NKAIN2: variants seen among roughly 807,000 people sequenced by gnomAD.
NKAIN2 encodes sodium/potassium-transporting ATPase subunit beta-1-interacting protein 2.
In NKAIN2, 14 loss-of-function variants were observed where a neutral mutation model predicts 32.6. That is an observed-to-expected ratio of 0.43 (90% CI 0.28 to 0.67). The LOEUF (loss-of-function observed/expected upper bound fraction) is 0.67, where lower values mean the gene tolerates loss of function less well. NKAIN2 is among the 30% of genes least tolerant of loss of function. The pLI, the probability that NKAIN2 is intolerant of heterozygous loss-of-function variation, is 0.17. For synonymous variants in NKAIN2, 80 were observed against 87.2 expected (o/e 0.92, Z 0.46); for missense variants, 198 against 258.3 (o/e 0.77, Z 1.60).
intron 1 of NKAIN2, among the ~76,000 whole-genome samples, chr6:124,238,256 A>C (rs1298694589): frequency 6.6e-6 from 1 of 152,128 alleles, no homozygotes; most frequent in East Asian, 1.9e-4. Flanking sequence ...GGGAGCTTTC[A>C]AGATGAAAGT....
intron 3 of NKAIN2, among the ~76,000 whole-genome samples, chr6:124,649,443 A>C (rs1218915811): frequency 6.6e-6 from 1 of 152,216 alleles, no homozygotes; most frequent in Admixed American, 6.5e-5. Flanking sequence ...ATAGGCTTTT[A>C]TCTATTAAAA....
intron 1 of NKAIN2, among the ~76,000 whole-genome samples, chr6:124,048,274 G>T (rs2114826246): frequency 6.6e-6 from 1 of 152,050 alleles, no homozygotes; most frequent in South Asian, 2.1e-4. Flanking sequence ...CTTTTACAAA[G>T]AATTATACAG....
intron 3 of NKAIN2, among the ~76,000 whole-genome samples, chr6:124,421,895 G>A (rs1370847775): frequency 2.0e-5 from 3 of 152,238 alleles, no homozygotes; most frequent in Admixed American, 6.5e-5. Flanking sequence ...AGGTCAGAGA[G>A]CCCTTCTCGC....
chr6:124,248,335 C>T (rs905524181), intron 1 of NKAIN2, among the ~76,000 whole-genome samples: 3 of 151,896 alleles, frequency 2.0e-5, no homozygotes, highest in Admixed American at 6.6e-5. Flanking sequence ...TGGCTTATAG[C>T]GATTGTACAT....
intron 1 of NKAIN2, among the ~76,000 whole-genome samples, chr6:123,884,146 G>T (rs1268257015): frequency 3.3e-5 from 5 of 151,830 alleles, no homozygotes; most frequent in African/African-American, 9.7e-5. Flanking sequence ...AGTGTGTGTT[G>T]TTTCCCTCTA....
At chr6:124,393,659 G>A (rs1205879479) in intron 3 of NKAIN2, among the ~76,000 whole-genome samples, 1 of 152,116 alleles carries the variant, frequency 6.6e-6, no homozygotes, top group Non-Finnish European at 1.5e-5. Context: ...GAGGAGCCGA[G>A]TCTCAAAACC....
chr6:123,804,731 T>TA (rs886155952), intron 1 of NKAIN2, among the ~76,000 whole-genome samples: 14 of 152,274 alleles, frequency 9.2e-5, no homozygotes, highest in East Asian at 7.7e-4. Context: ...TATAATGCTC[T>TA]AAAAAAACCA....
At chr6:124,016,805 T>C (rs2114748994) in intron 1 of NKAIN2, among the ~76,000 whole-genome samples, 1 of 152,146 alleles carries the variant, frequency 6.6e-6, no homozygotes, top group East Asian at 1.9e-4. Context: ...TAAAAAAAAA[T>C]CCAGAGCTTA....
chr6:123,860,113 G>A (rs991684066), intron 1 of NKAIN2, among the ~76,000 whole-genome samples: 14 of 152,154 alleles, frequency 9.2e-5, no homozygotes, highest in Admixed American at 8.5e-4. Context: ...TCTACTTGAA[G>A]CACTGAAAAC....
In NKAIN2 at chr6:124,752,541, A is replaced by ATGTG. The variant is rs138478641; in HGVS notation, c.475-38780_475-38777dup. On this transcript the variant is annotated intron_variant, in intron 4 of 6. Transcript: ENST00000368417. Reference sequence around the variant, plus strand: ...TGGTTATCAAAATGTATATGTGGGTATGTGTGTGTGTGTGTGTGTGTATAC... The same window carrying ATGTG: ...TGGTTATCAAAATGTATATGTGGGTATGTGTGTGTGTGTGTGTGTGTGTGTATAC... Among the ~76,000 whole-genome samples, 311 of 148,984 alleles carry ATGTG rather than the reference A, an allele frequency of 2.1e-3. 3 individuals are homozygous for ATGTG. Among genetic ancestry groups the ATGTG allele is most frequent in the African/African-American group, 6.7e-3 (275 of 40,838 alleles).
At chr6:124,241,985 G>T (rs1166471732) in intron 1 of NKAIN2, among the ~76,000 whole-genome samples, 1 of 151,988 alleles carries the variant, frequency 6.6e-6, no homozygotes, top group African/African-American at 2.4e-5. Context: ...TCAGGACATA[G>T]GCATGGGCAA....
chr6:124,092,416 G>C (rs1268627783), intron 1 of NKAIN2, among the ~76,000 whole-genome samples: 1 of 152,002 alleles, frequency 6.6e-6, no homozygotes, highest in Non-Finnish European at 1.5e-5. Context: ...AAGTATTTTA[G>C]TGATTCTTAT....
intron 4 of NKAIN2, among the ~76,000 whole-genome samples, chr6:124,663,784 T>C (rs1772618822): frequency 6.6e-6 from 1 of 152,198 alleles, no homozygotes; most frequent in African/African-American, 2.4e-5. Context: ...CTAATAGATT[T>C]GTCAGTTGGT....
chr6:124,265,968 C>T (rs981680657), intron 1 of NKAIN2, among the ~76,000 whole-genome samples: 2 of 152,092 alleles, frequency 1.3e-5, no homozygotes, highest in Non-Finnish European at 2.9e-5. Context: ...GAAAAATAAA[C>T]AAAACCCAAA....
chr6:124,323,048 T>C (rs1797260024), intron 2 of NKAIN2, among the ~76,000 whole-genome samples: 1 of 152,232 alleles, frequency 6.6e-6, no homozygotes, highest in African/African-American at 2.4e-5. Flanking sequence ...ATGTTTTTCA[T>C]GTGCTTATTT....
intron 3 of NKAIN2, among the ~76,000 whole-genome samples, chr6:124,549,316 G>A (rs560445170): frequency 2.1e-4 from 32 of 152,172 alleles, no homozygotes; most frequent in African/African-American, 6.0e-4. Context: ...TGCAGTGAGC[G>A]GAGACTGTAC....
At position 124,222,770 on chromosome 6, in the gene NKAIN2, G is replaced by A. The variant is rs550726086; in HGVS notation, c.55-60235G>A. Among the ~76,000 whole-genome samples, 4 of 152,214 alleles carry A rather than the reference G, an allele frequency of 2.6e-5. No homozygotes were observed. In the South Asian group the frequency reaches 6.2e-4, roughly 24 times the overall value. ...CCAGGTGAAAAATGTGTTGCATGGC[G>A]GAGAATCAATGCGTCTCTTGCTGCT... is the stretch of plus-strand genomic sequence containing the variant. On this transcript the variant is annotated intron_variant, in intron 1 of 6. Coordinates refer to ENST00000368417, the MANE Select transcript of NKAIN2 (RefSeq NM_001040214.3).
intron 1 of NKAIN2, among the ~76,000 whole-genome samples, chr6:124,160,736 T>G (rs1266962238): frequency 6.6e-6 from 1 of 152,172 alleles, no homozygotes; most frequent in African/African-American, 2.4e-5. Flanking sequence ...GGGTGATTTA[T>G]GAAGGTGTAA....
intron 1 of NKAIN2, among the ~76,000 whole-genome samples, chr6:123,999,587 A>G (rs1464391573): frequency 1.3e-5 from 2 of 152,178 alleles, no homozygotes; most frequent in Non-Finnish European, 2.9e-5. Context: ...CACAAACTTA[A>G]GTTTTATCCT....
Sources: gnomAD v4.1 joint callset for allele counts (sites outside exome capture counted in the v4.1 genomes callset) on GRCh38, gnomAD v4.1.1 for gene constraint, MANE v1.5 for transcripts, NCBI Gene and HGNC (gene_info 2026-07-23, HGNC 2026-07-21) for gene names.